The following GCSAM variants were observed in gnomAD, a reference collection of about 807,000 sequenced individuals.
The protein encoded by GCSAM is germinal center-associated signaling and motility protein.
Under a neutral mutation model 17.6 loss-of-function variants are expected in GCSAM, and 8 were observed. That is an observed-to-expected ratio of 0.46 (90% confidence interval 0.27 to 0.82). GCSAM has a LOEUF of 0.82. Among genes scored for constraint, GCSAM ranks in the 40% least tolerant of loss-of-function variants. GCSAM has a pLI of 0.15. For synonymous variants in GCSAM, 68 were observed against 69.0 expected (o/e 0.98, Z 0.07); for missense variants, 192 against 213.5 (o/e 0.90, Z 0.63).
intron 4 of GCSAM, 82 bp downstream of exon 4, chr3:112,126,905 G>C: frequency 2.1e-6 from 2 of 946,286 alleles, no homozygotes; most frequent in Non-Finnish European, 3.4e-6. Flanking sequence ...TATGCCTAAG[G>C]GGCTTTGGGA....
At chr3:112,124,937 T>TGTC (rs1207943708) in intron 5 of GCSAM, among the ~76,000 whole-genome samples, 5 of 152,180 alleles carry the variant, frequency 3.3e-5, no homozygotes, top group African/African-American at 4.8e-5. Flanking sequence ...ATTCAAGGGT[T>TGTC]GTCGTTTTAG....
Position 112,122,894 on chromosome 3 carries a change from C to G in GCSAM, c.*561G>C, listed in dbSNP as rs1161337987. On this transcript the variant is annotated 3_prime_UTR_variant, in exon 6 of 6. Coordinates refer to ENST00000308910, the MANE Select transcript of GCSAM (RefSeq NM_152785.5). Reference sequence around the variant, plus strand: ...TATGTAAACATCTGGCCTAGAGCCTCTTGATTCAACTCACATAACTAACCA... The same window carrying G: ...TATGTAAACATCTGGCCTAGAGCCTGTTGATTCAACTCACATAACTAACCA... The G allele has an allele frequency of 6.5e-6, 1 of 153,256 alleles. No individual in the cohort carries two copies. Among genetic ancestry groups the G allele is most frequent in the East Asian group, 1.9e-4 (1 of 5,198 alleles). The allele number at this position is 153,256 out of a possible 1,614,324, so 9.5% of individuals were successfully genotyped here.
At chr3:112,125,192 A>T (rs767167332) in intron 5 of GCSAM, 34 bp downstream of exon 5, 1 of 1,420,352 alleles carries the variant, frequency 7.0e-7, no homozygotes, top group Non-Finnish European at 1.0e-6. Flanking sequence ...TTCTATCATC[A>T]TCTCAAAAAA....
In GCSAM at chr3:112,127,830, A is replaced by T. The variant is rs576271631; in HGVS notation, c.143+187T>A. Among the ~76,000 whole-genome samples, 4 of 152,286 alleles carry T rather than the reference A, an allele frequency of 2.6e-5. No homozygotes were observed. In the South Asian group the frequency reaches 6.2e-4, roughly 24 times the overall value. On this transcript the variant is annotated intron_variant, in intron 3 of 5. Coordinates refer to ENST00000308910, the MANE Select transcript of GCSAM (RefSeq NM_152785.5). ...CCTGTTTGAGGAGAGCATGCGACCC[A>T]TGAGACTATTGTTCCTGTTTCTCAT...
In GCSAM at chr3:112,130,396, G is replaced by C. The variant is rs765462486; in HGVS notation, c.98+49C>G. 5 of 1,484,612 alleles carry C rather than the reference G, an allele frequency of 3.4e-6. No homozygotes were observed. In the African/African-American group the frequency reaches 6.9e-5, roughly 21 times the overall value. The allele number at this position is 1,484,612 out of a possible 1,614,324, so 92.0% of individuals were successfully genotyped here. A position where few individuals can be genotyped will look rare whatever the true frequency, so the allele number is the denominator to read the frequency against. On this transcript the variant is annotated intron_variant, in intron 2 of 5. Transcript: ENST00000308910. The stretch of plus-strand genomic sequence containing the variant: ...TGAAGTCCAGGGCTTGACATACTTC[G>C]TTCTCCTTGGGCAAGGTCTGGGGGG...
intron 5 of GCSAM, 113 bp downstream of exon 5, chr3:112,125,113 T>G: frequency 1.3e-6 from 1 of 751,038 alleles, no homozygotes; most frequent in Non-Finnish European, 2.4e-6. Flanking sequence ...ACATCTAAAG[T>G]CTTTCTCCAT....
intron 4 of GCSAM, among the ~76,000 whole-genome samples, chr3:112,125,537 C>T (rs1464182047): frequency 6.6e-6 from 1 of 152,226 alleles, no homozygotes; most frequent in Non-Finnish European, 1.5e-5. Flanking sequence ...TCCCTCCTTA[C>T]CTAGCCCCGT....
chr3:112,128,051 G>A lies in GCSAM; in HGVS notation c.109C>T (p.His37Tyr), dbSNP rs2074369231. ...PKQRTSRCWDHHIAEGCFCLP... is the reference protein window; with the variant it reads ...PKQRTSRCWDYHIAEGCFCLP... ...CAGAAACACCCTTCAGCGATATGGTGATCCCAGCATCTAAAATACCCAAGA... is the reference window on the plus strand; with the variant it reads ...CAGAAACACCCTTCAGCGATATGGTAATCCCAGCATCTAAAATACCCAAGA... Residue 37 changes from histidine (H) to tyrosine (Y), a missense_variant, in exon 3 of 6, where the codon CAC becomes TAC. His to Tyr is a moderately conservative substitution (Grantham distance 83, BLOSUM62 2). Transcript: ENST00000308910. 6.2e-7 allele frequency: 1 copy of A among 1,613,700 alleles called. No individual in the cohort carries two copies. Among genetic ancestry groups the A allele is most frequent in the South Asian group, 1.1e-5 (1 of 91,062 alleles).
At chr3:112,129,228 G>A (rs1467632333) in intron 2 of GCSAM, 1 of 152,198 alleles carries the variant, frequency 6.6e-6, no homozygotes, top group African/African-American at 2.4e-5. Context: ...GATTCACTGA[G>A]GAGAAATGAA....
Position 112,123,307 on chromosome 3 carries a change from C to G in GCSAM, c.*148G>C, listed in dbSNP as rs1263916292. On this transcript the variant is annotated 3_prime_UTR_variant, in exon 6 of 6. Transcript: ENST00000308910. Reference sequence around the variant, plus strand: ...TTTTGGCTTTTGCGTGCTAAGAGGGCTTGTGGTATACAAACCATGCTCTGC... The same window carrying G: ...TTTTGGCTTTTGCGTGCTAAGAGGGGTTGTGGTATACAAACCATGCTCTGC... 14 of 1,418,474 alleles carry G rather than the reference C, an allele frequency of 9.9e-6. No individual in the cohort carries two copies. Among genetic ancestry groups the G allele is most frequent in the Middle Eastern group, 2.6e-4 (1 of 3,918 alleles). 87.9% of individuals were successfully genotyped at this position (1,418,474 alleles called of 1,614,324 possible). A position where few individuals can be genotyped will look rare whatever the true frequency, so the allele number is the denominator to read the frequency against.
chr3:112,124,039 C>T (rs887481773), intron 5 of GCSAM, among the ~76,000 whole-genome samples: 1 of 152,156 alleles, frequency 6.6e-6, no homozygotes, highest in African/African-American at 2.4e-5. Flanking sequence ...TTTGGATATT[C>T]GTCCCCTGCA....
chr3:112,121,042 ATCCCTCTTATAAT>A lies in GCSAM; in HGVS notation c.*2400_*2412del, dbSNP rs1248371649. On this transcript the variant is annotated 3_prime_UTR_variant, in exon 6 of 6. Transcript: ENST00000308910. ...TGCTCAAAAGTAATTCCCTTTCATA[ATCCCTCTTATAAT>A]TCCCTCTTATAAATCCCTGTTATAA... 8 of 152,158 alleles carry A rather than the reference ATCCCTCTTATAAT, an allele frequency of 5.3e-5. No individual in the cohort carries two copies. The highest frequency in any genetic ancestry group is 1.4e-4 in the African/African-American group (6 of 41,426). 9.4% of individuals were successfully genotyped at this position (152,158 alleles called of 1,614,324 possible). A position where few individuals can be genotyped will look rare whatever the true frequency, so the allele number is the denominator to read the frequency against.
At chr3:112,128,695 G>A in intron 2 of GCSAM, 1 of 162,482 alleles carries the variant, frequency 6.2e-6, no homozygotes. Context: ...CAGGAGGTCA[G>A]CAAATCTACC....
In GCSAM at chr3:112,122,209, G is replaced by A. The variant is rs2074214052; in HGVS notation, c.*1246C>T. 1 of 152,022 alleles carries A rather than the reference G, an allele frequency of 6.6e-6. No homozygotes were observed. Among genetic ancestry groups the A allele is most frequent in the Non-Finnish European group, 1.5e-5 (1 of 68,012 alleles). 9.4% of individuals were successfully genotyped at this position (152,022 alleles called of 1,614,324 possible). A position where few individuals can be genotyped will look rare whatever the true frequency, so the allele number is the denominator to read the frequency against. On this transcript the variant is annotated 3_prime_UTR_variant, in exon 6 of 6. Coordinates refer to ENST00000308910, the MANE Select transcript of GCSAM (RefSeq NM_152785.5). Reference sequence around the variant, plus strand: ...TTTCTCTCAAACTATAATCATTTAGGGCAGGTGTCTGCAAACTTTTTTTCC... The same window carrying A: ...TTTCTCTCAAACTATAATCATTTAGAGCAGGTGTCTGCAAACTTTTTTTCC...
Position 112,123,567 on chromosome 3 carries a change from C to G in GCSAM, c.425G>C (p.Arg142Pro). ...HMPSTDPRHA[R>P]SPEDEYELLM... ...AAGTTCATATTCATCTTCTGGGGAT[C>G]GGGCATGCCTGGGGTCTGTAGAAGG... is the stretch of plus-strand genomic sequence containing the variant. The change falls in exon 6 of 6, where the codon CGA (arginine) becomes CCA (proline). Residue 142 changes from arginine (R) to proline (P), a missense_variant. Transcript: ENST00000308910. 6.2e-7 allele frequency: 1 copy of G among 1,614,078 alleles called. No individual in the cohort carries two copies. Among genetic ancestry groups the G allele is most frequent in the Non-Finnish European group, 8.5e-7 (1 of 1,179,980 alleles).
At chr3:112,131,366 C>G (rs1197420350) in intron 1 of GCSAM, among the ~76,000 whole-genome samples, 1 of 152,074 alleles carries the variant, frequency 6.6e-6, no homozygotes, top group Non-Finnish European at 1.5e-5. Flanking sequence ...CTTATTTGAT[C>G]TGGAGAGACA....
chr3:112,126,265 C>T (rs2074315234), intron 4 of GCSAM, among the ~76,000 whole-genome samples: 1 of 152,134 alleles, frequency 6.6e-6, no homozygotes, highest in Non-Finnish European at 1.5e-5. Flanking sequence ...TTTTAAGATT[C>T]TATGTAAATG....
intron 1 of GCSAM, chr3:112,130,732 T>A (rs975839867): frequency 1.2e-5 from 7 of 565,890 alleles, no homozygotes; most frequent in Non-Finnish European, 1.9e-5. Context: ...CCCACTGATG[T>A]TCTCCAACCT....
At position 112,123,122 on chromosome 3, in the gene GCSAM, A is replaced by T; in HGVS notation, c.*333T>A. ...AGAATGATCATGGGAACACTTTATA[A>T]GAAGATCCCAGACAGAAGAGCAGAG... On this transcript the variant is annotated 3_prime_UTR_variant, in exon 6 of 6. Transcript: ENST00000308910. 1 of 297,388 alleles carries T rather than the reference A, an allele frequency of 3.4e-6. No individual in the cohort carries two copies. The highest frequency in any genetic ancestry group is 4.7e-5 in the Admixed American group (1 of 21,054). 18.4% of individuals were successfully genotyped at this position (297,388 alleles called of 1,614,324 possible).
Sources: allele counts gnomAD v4.1 joint callset (sites outside exome capture counted in the v4.1 genomes callset), GRCh38; gene constraint gnomAD v4.1.1; transcripts MANE v1.5; gene names NCBI Gene and HGNC (gene_info 2026-07-23, HGNC 2026-07-21).